The following DST variants were observed in gnomAD, a reference collection of about 807,000 sequenced individuals.
DST encodes bullous pemphigoid antigen.
DST carries 253 observed loss-of-function variants against 875.2 expected under a neutral mutation model. The ratio of observed to expected loss-of-function variants is 0.29; its 90% CI spans 0.26 to 0.32. The LOEUF is 0.32. DST is among the 10% of genes least tolerant of loss of function. DST has a pLI of 1.00. For missense variants in DST, 8,287 were observed against 9,111.6 expected (o/e 0.91, Z 3.68); for synonymous variants, 3,124 against 3,197.1 (o/e 0.98, Z 0.77).
At chr6:56,806,184 C>G (rs2099752779) in intron 4 of DST, among the ~76,000 whole-genome samples, 1 of 152,170 alleles carries the variant, frequency 6.6e-6, no homozygotes. Flanking sequence ...ATTTTCTCCC[C>G]CACTTTCCCA....
Position 56,606,963 on chromosome 6 carries a change from T to C in DST, c.7665A>G (p.Glu2555=). 1 of 1,613,380 alleles carries C rather than the reference T, an allele frequency of 6.2e-7. No homozygotes were observed. Residue 2555 remains glutamate (E), a synonymous_variant, in exon 40 of 104, where the codon GAA becomes GAG. Coordinates refer to ENST00000680361, the MANE Select transcript of DST (RefSeq NM_001374736.1). ...CTGGAGTCACAGCACAGGAATACTC[T>C]TCTATTTCAGACTCATCTTCCTTGT... ...PEDKEDESEI[E]EYSCAVTPGG...
chr6:56,896,348 T>C (rs1182556860), intron 3 of DST, among the ~76,000 whole-genome samples: 4 of 152,062 alleles, frequency 2.6e-5, no homozygotes. Flanking sequence ...ATAAGTCTCA[T>C]GAGATCTGAT....
intron 36 of DST, chr6:56,615,969 C>A: frequency 6.2e-7 from 1 of 1,614,218 alleles, no homozygotes; most frequent in Non-Finnish European, 8.5e-7. Flanking sequence ...GCTTCGGCCA[C>A]CCGGTACTTT....
At chr6:56,756,283 G>A (rs1215096331) in intron 4 of DST, among the ~76,000 whole-genome samples, 1 of 152,076 alleles carries the variant, frequency 6.6e-6, no homozygotes, top group Non-Finnish European at 1.5e-5. Context: ...TCCTAGCAGG[G>A]AGAGGGGGCT....
chr6:56,636,484 T>G lies in DST; in HGVS notation c.3060+73A>C, dbSNP rs553381429. The G allele has an allele frequency of 9.6e-6, 11 of 1,145,478 alleles. No individual in the cohort carries two copies. The South Asian group carries it at 1.3e-4, about 14-fold the overall frequency. The allele number at this position is 1,145,478 out of a possible 1,614,324, so 71.0% of individuals were successfully genotyped here. On this transcript the variant is annotated intron_variant, in intron 23 of 103. Coordinates refer to ENST00000680361, the MANE Select transcript of DST (RefSeq NM_001374736.1). ...AACACATTGTTATCCTAACAATAAATTATGAAAAAGATTCCTGCAAGTTAG... is the reference window on the plus strand; with the variant it reads ...AACACATTGTTATCCTAACAATAAAGTATGAAAAAGATTCCTGCAAGTTAG...
At chr6:56,525,286 C>G (rs1232427895) in intron 69 of DST, among the ~76,000 whole-genome samples, 2 of 152,168 alleles carry the variant, frequency 1.3e-5, no homozygotes, top group Non-Finnish European at 2.9e-5. Context: ...TAAACACCCT[C>G]ATTTTCCTAT....
chr6:56,621,390 T>C (rs2152741717), intron 36 of DST, among the ~76,000 whole-genome samples: 1 of 152,336 alleles, frequency 6.6e-6, no homozygotes, highest in African/African-American at 2.4e-5. Context: ...ATTATAATAA[T>C]CAGAATTGCT....
chr6:56,482,432 A>G (rs2095432656), intron 89 of DST: 1 of 524,738 alleles, frequency 1.9e-6, no homozygotes, highest in Non-Finnish European at 3.2e-6. Context: ...ATGGCAGTCC[A>G]TCATACTTCC....
intron 75 of DST, among the ~76,000 whole-genome samples, chr6:56,507,678 G>A (rs541937293): frequency 6.6e-6 from 1 of 152,144 alleles, no homozygotes; most frequent in African/African-American, 2.4e-5. Context: ...GTTTGTTTTG[G>A]GAAACGCCCT....
rs1416287559 is a variant in DST at position 56,631,968 on chromosome 6, C to G, written c.3878G>C (p.Cys1293Ser). The stretch of plus-strand genomic sequence containing the variant: ...AATCTGTCTAATCAGCCGATCTTCA[C>G]AGTTCTCTAACCGAAGTCTAATGTT... ...VRNIRLRLEN[C>S]EDRLIRQIRT... Residue 1293 changes from cysteine (C) to serine (S), a missense_variant, in exon 29 of 104, where the codon TGT (cysteine) becomes TCT (serine). Transcript: ENST00000680361. 4 of 1,613,602 alleles carry G rather than the reference C, an allele frequency of 2.5e-6. No individual in the cohort carries two copies. Among genetic ancestry groups the G allele is most frequent in the East Asian group, 4.5e-5 (2 of 44,878 alleles).
chr6:56,608,283 A>C lies in DST; in HGVS notation c.6345T>G (p.Ser2115Arg). The C allele has an allele frequency of 3.1e-6, 5 of 1,613,608 alleles. No homozygotes were observed. Among genetic ancestry groups the C allele is most frequent in the Non-Finnish European group, 4.2e-6 (5 of 1,179,784 alleles). ...QKIAALYIPE[S>R]SQVIGLDAAK... ...CAGCATCCAAACCAATGACTTGAGA[A>C]CTTTCTGGAATATAAAGAGCAGCTA... Residue 2115 changes from serine (S) to arginine (R), a missense_variant, in exon 40 of 104, where the codon AGT becomes AGG. By Grantham distance (110) the Ser-to-Arg change is moderately radical. Coordinates refer to ENST00000680361, the MANE Select transcript of DST (RefSeq NM_001374736.1).
intron 4 of DST, among the ~76,000 whole-genome samples, chr6:56,792,429 C>A (rs2099728013): frequency 6.6e-6 from 1 of 151,892 alleles, no homozygotes; most frequent in Non-Finnish European, 1.5e-5. Flanking sequence ...GGTTCTTTTA[C>A]AATGAAGAGA....
At chr6:56,551,723 G>A (rs1165763473) in intron 61 of DST, among the ~76,000 whole-genome samples, 1 of 152,130 alleles carries the variant, frequency 6.6e-6, no homozygotes, top group Non-Finnish European at 1.5e-5. Context: ...TTAAAAATAT[G>A]AGCTTTTAGA....
intron 61 of DST, chr6:56,542,813 CGT>C (rs151231863): frequency 8.7e-4 from 133 of 152,418 alleles, no homozygotes; most frequent in African/African-American, 3.1e-3. Context: ...CCATCTGCTG[CGT>C]CTCTGGGCCT....
At chr6:56,802,954 C>T (rs1272656888) in intron 4 of DST, among the ~76,000 whole-genome samples, 1 of 152,160 alleles carries the variant, frequency 6.6e-6, no homozygotes, top group Non-Finnish European at 1.5e-5. Flanking sequence ...GAAAGAATAT[C>T]ATACATTAAA....
rs904561598 is a variant in DST, at chr6:56,553,751, A to C, written c.15137-96T>G. ...AAAAATCTCTGAATGAATATATAGA[A>C]TTGTTGAAAAGCAAGGGCTTTTAGC... On this transcript the variant is annotated intron_variant, in intron 60 of 103. Coordinates refer to ENST00000680361, the MANE Select transcript of DST (RefSeq NM_001374736.1). 6 of 1,202,590 alleles carry C rather than the reference A, an allele frequency of 5.0e-6. No homozygotes were observed. In the African/African-American group the frequency reaches 9.3e-5, roughly 19 times the overall value. 74.5% of individuals were successfully genotyped at this position (1,202,590 alleles called of 1,614,324 possible).
chr6:56,935,479 T>C (rs891399132), intron 2 of DST, among the ~76,000 whole-genome samples: 1 of 152,276 alleles, frequency 6.6e-6, no homozygotes, highest in African/African-American at 2.4e-5. Flanking sequence ...AATGGTCTAC[T>C]GCTTAATTAC....
Position 56,762,892 on chromosome 6 carries a change from C to T in DST, c.626-27603G>A, listed in dbSNP as rs1221277210. 2.8e-5 allele frequency among the ~76,000 whole-genome samples: 4 copies of T among 145,262 alleles called. No individual in the cohort carries two copies. The East Asian group carries it at 7.9e-4, about 29-fold the overall frequency. ...TGAGACAGAGTTTCACTCTTGTTGC[C>T]CAGGCTGGAGTGCAACGGCGTGATC... On this transcript the variant is annotated intron_variant, in intron 4 of 103. Transcript: ENST00000680361.
At chr6:56,647,359 T>C (rs1446087406) in intron 13 of DST, among the ~76,000 whole-genome samples, 1 of 152,194 alleles carries the variant, frequency 6.6e-6, no homozygotes, top group Non-Finnish European at 1.5e-5. Context: ...TTAAAAAGTA[T>C]CATATCATCA....
Sources: gnomAD v4.1 joint callset for allele counts (sites outside exome capture counted in the v4.1 genomes callset) on GRCh38, gnomAD v4.1.1 for gene constraint, MANE v1.5 for transcripts, NCBI Gene and HGNC (gene_info 2026-07-23, HGNC 2026-07-21) for gene names.